The following SLC6A9 variants were observed in gnomAD, a reference collection of about 807,000 sequenced individuals.
SLC6A9 encodes the protein sodium- and chloride-dependent glycine transporter 1.
In SLC6A9, 31 loss-of-function variants were observed where a neutral mutation model predicts 70.9. That is an observed-to-expected ratio of 0.44 (90% confidence interval 0.33 to 0.59). The LOEUF is 0.59. Among genes scored for constraint, SLC6A9 ranks in the 20% least tolerant of loss-of-function variants. The pLI is 0.04. For synonymous variants in SLC6A9, 310 were observed against 341.3 expected (o/e 0.91, Z 1.01); for missense variants, 631 against 845.2 (o/e 0.75, Z 3.14).
In SLC6A9 at chr1:44,001,494, G is replaced by A. The variant is rs749350979; in HGVS notation, c.1096C>T (p.Leu366=). Residue 366 remains leucine, a synonymous_variant, in exon 9 of 14, where the codon CTG becomes TTG. Coordinates refer to ENST00000372310, the MANE Select transcript of SLC6A9 (RefSeq NM_001024845.3). The stretch of plus-strand genomic sequence containing the variant: ...GCCTCGGGGTAAGCCACGAAGGCCA[G>A]GCCAGGGCCGTGGTCTGCCACACGG... ...VSRVADHGPG[L]AFVAYPEALT... 6.2e-6 allele frequency: 10 copies of A among 1,614,244 alleles called. No homozygotes were observed. In the South Asian group the frequency reaches 1.1e-4, roughly 18 times the overall value.
chr1:44,004,098 G>A (rs1039410159), intron 5 of SLC6A9, among the ~76,000 whole-genome samples: 15 of 151,866 alleles, frequency 9.9e-5, no homozygotes, highest in Admixed American at 9.2e-4. Context: ...AGGTTCAAGC[G>A]ATTCTCCTGC....
At chr1:44,023,009 G>A (rs2086916094) in intron 2 of SLC6A9, among the ~76,000 whole-genome samples, 1 of 152,054 alleles carries the variant, frequency 6.6e-6, no homozygotes, top group African/African-American at 2.4e-5. Context: ...CCCAGCCCAA[G>A]TTGTTCTTTT....
chr1:43,999,834 G>C (rs1003703303), intron 12 of SLC6A9, among the ~76,000 whole-genome samples: 1 of 152,094 alleles, frequency 6.6e-6, no homozygotes, highest in Admixed American at 6.5e-5. Context: ...CCAGCCCTCT[G>C]ACTATCACTC....
At chr1:44,021,491 G>A (rs367738598) in intron 2 of SLC6A9, among the ~76,000 whole-genome samples, 3 of 152,286 alleles carry the variant, frequency 2.0e-5, no homozygotes, top group Admixed American at 6.5e-5. Context: ...GGTGTCTGCC[G>A]ACACTGAAGA....
chr1:44,006,839 G>A (rs756911272), intron 5 of SLC6A9, among the ~76,000 whole-genome samples: 1 of 152,180 alleles, frequency 6.6e-6, no homozygotes, highest in Non-Finnish European at 1.5e-5. Context: ...CCAGCCCAGA[G>A]GTTGGCACAG....
chr1:44,025,324 C>T (rs1027450911), intron 1 of SLC6A9, among the ~76,000 whole-genome samples: 5 of 151,968 alleles, frequency 3.3e-5, no homozygotes, highest in Non-Finnish European at 7.4e-5. Flanking sequence ...GCAGCAGCCA[C>T]GTGGAAGGAA....
At chr1:44,012,839 G>A (rs1047574705) in intron 2 of SLC6A9, among the ~76,000 whole-genome samples, 2 of 152,150 alleles carry the variant, frequency 1.3e-5, no homozygotes, top group Non-Finnish European at 2.9e-5. Context: ...GCCTGAGTGT[G>A]CCCTCTGTGA....
At chr1:44,001,911 T>C (rs191428800) in intron 8 of SLC6A9, among the ~76,000 whole-genome samples, 130 of 152,248 alleles carry the variant, frequency 8.5e-4, no homozygotes, top group East Asian at 5.8e-4. Flanking sequence ...TTTTTATGTT[T>C]TATAAAGAAA....
At chr1:44,025,409 C>T (rs1167756116) in intron 1 of SLC6A9, among the ~76,000 whole-genome samples, 1 of 151,432 alleles carries the variant, frequency 6.6e-6, no homozygotes, top group African/African-American at 2.4e-5. Flanking sequence ...TTTGACAGGC[C>T]TCGGGAGAAA....
intron 3 of SLC6A9, 192 bp from the exon 4 acceptor site, chr1:44,010,288 G>T: frequency 6.9e-6 from 4 of 581,252 alleles, no homozygotes; most frequent in Non-Finnish European, 1.2e-5. Flanking sequence ...GAGGCTCTCA[G>T]GAATTCTGCT....
At chr1:44,024,416 T>G (rs1363625202) in intron 1 of SLC6A9, 54 bp from the exon 2 acceptor site, 1 of 1,076,646 alleles carries the variant, frequency 9.3e-7, no homozygotes, top group Non-Finnish European at 1.4e-6. Flanking sequence ...CCCACAGGGC[T>G]CTCCAGACAG....
rs982218636 is a variant in SLC6A9 at position 44,002,061 on chromosome 1, G to T, written c.962+252C>A. ...CCAACTCCTTTTCTGGTCTGTTCTG[G>T]GCATTTTTAAGGAGCCTGAGCTGCC... On this transcript the variant is annotated intron_variant, in intron 8 of 13. Transcript: ENST00000372310. The surrounding 1 kb of genome is among the most constrained non-coding windows in gnomAD (Gnocchi z 5.5). Among the ~76,000 whole-genome samples, 1 of 152,254 alleles carries T rather than the reference G, an allele frequency of 6.6e-6. No individual in the cohort carries two copies. Among genetic ancestry groups the T allele is most frequent in the South Asian group, 2.1e-4 (1 of 4,814 alleles).
Position 43,997,334 on chromosome 1 carries a change from C to G in SLC6A9, c.*211G>C, listed in dbSNP as rs201934576. ...TCCCAGCAACCCTCCACTCCCACCC[C>G]TCCCCCCAGCTGCTATCTTGGCATC... is the stretch of plus-strand genomic sequence containing the variant. On this transcript the variant is annotated 3_prime_UTR_variant, in exon 14 of 14. Transcript: ENST00000372310. This position sits in a 1 kb window ranked among gnomAD's most constrained non-coding sequence, Gnocchi z 4.4. 4.3e-5 allele frequency: 25 copies of G among 576,336 alleles called. No individual in the cohort carries two copies. Among genetic ancestry groups the G allele is most frequent in the Non-Finnish European group, 7.3e-5 (24 of 327,454 alleles). 35.7% of individuals were successfully genotyped at this position (576,336 alleles called of 1,614,324 possible). A position where few individuals can be genotyped will look rare whatever the true frequency, so the allele number is the denominator to read the frequency against.
chr1:44,003,197 G>C (rs1391373743), intron 5 of SLC6A9, among the ~76,000 whole-genome samples: 1 of 152,240 alleles, frequency 6.6e-6, no homozygotes, highest in African/African-American at 2.4e-5. Context: ...ACAGTCCACT[G>C]CTCTGCAGCC....
At chr1:44,030,936 C>CGGCGCT (rs2087102726) in intron 1 of SLC6A9, among the ~76,000 whole-genome samples, 1 of 152,108 alleles carries the variant, frequency 6.6e-6, no homozygotes, top group Admixed American at 6.5e-5. Flanking sequence ...GCTCTGGCTC[C>CGGCGCT]GGCGCTACCC....
chr1:44,017,450 A>G, intron 2 of SLC6A9: 1 of 893,776 alleles, frequency 1.1e-6, no homozygotes, highest in Non-Finnish European at 1.4e-6. Flanking sequence ...CACTCCCCCC[A>G]CGGAGCTGAC....
chr1:44,028,820 G>A (rs1159425501), intron 1 of SLC6A9, among the ~76,000 whole-genome samples: 2 of 151,468 alleles, frequency 1.3e-5, no homozygotes, highest in African/African-American at 2.4e-5. Flanking sequence ...AGGAAAGAAG[G>A]AAGGAAGGAA....
rs921569267 is a variant in SLC6A9 at position 44,010,985 on chromosome 1, C to G, written c.31-103G>C. On this transcript the variant is annotated intron_variant, in intron 2 of 13. Coordinates refer to ENST00000372310, the MANE Select transcript of SLC6A9 (RefSeq NM_001024845.3). ...GGAAACCGTGGCCCCTCCAACACCC[C>G]TCCCCGGGCTTCCCCTCTGCTGGCA... 2.5e-6 allele frequency: 3 copies of G among 1,221,948 alleles called. No individual in the cohort carries two copies. In the African/African-American group the frequency reaches 4.5e-5, roughly 18 times the overall value. The allele number at this position is 1,221,948 out of a possible 1,614,324, so 75.7% of individuals were successfully genotyped here.
intron 12 of SLC6A9, among the ~76,000 whole-genome samples, chr1:44,000,058 G>A (rs2086033830): frequency 1.3e-5 from 2 of 152,198 alleles, no homozygotes; most frequent in Non-Finnish European, 2.9e-5. Context: ...TATTAGCTGT[G>A]TGACCATGGG....
Sources: allele counts gnomAD v4.1 joint callset (sites outside exome capture counted in the v4.1 genomes callset), GRCh38; gene constraint gnomAD v4.1.1; non-coding constraint Gnocchi (gnomAD v3.1); transcripts MANE v1.5; gene names NCBI Gene and HGNC (gene_info 2026-07-23, HGNC 2026-07-21).